Variants in DCLK1 observed in about 807,000 individuals in gnomAD.
The protein encoded by DCLK1 is serine/threonine-protein kinase DCLK1.
Under a neutral mutation model 86.2 loss-of-function variants are expected in DCLK1, and 16 were observed. That is an observed-to-expected ratio of 0.19 (90% CI 0.13 to 0.28). DCLK1 has a LOEUF of 0.28. Ranked by LOEUF, DCLK1 falls within the 10% of genes least tolerant of loss-of-function variation. The pLI is 1.00. For synonymous variants in DCLK1, 369 were observed against 370.5 expected, an observed-to-expected ratio of 1.00 and a Z score of 0.05; for missense variants, 590 against 940.2, an observed-to-expected ratio of 0.63 and a Z score of 4.87.
chr13:35,814,744 A>G (rs1182898285), intron 11 of DCLK1, among the ~76,000 whole-genome samples: 1 of 152,252 alleles, frequency 6.6e-6, no homozygotes, highest in African/African-American at 2.4e-5. Context: ...GACAGGGATT[A>G]GTGCAAATTA....
chr13:36,007,865 G>A (rs942967547), intron 3 of DCLK1, among the ~76,000 whole-genome samples: 2 of 152,060 alleles, frequency 1.3e-5, no homozygotes, highest in African/African-American at 2.4e-5. Flanking sequence ...ATTTAATTAT[G>A]TTATATTTAG....
At chr13:35,847,452 C>G (rs1251426415) in intron 6 of DCLK1, 4 of 984,834 alleles carry the variant, frequency 4.1e-6, no homozygotes, top group Non-Finnish European at 4.8e-6. Context: ...ACACACCAAG[C>G]CTGGCAAATT....
chr13:36,022,835 T>C (rs1350567852), intron 3 of DCLK1, among the ~76,000 whole-genome samples: 4 of 152,058 alleles, frequency 2.6e-5, no homozygotes, highest in Non-Finnish European at 5.9e-5. Flanking sequence ...GTAAAGAAAA[T>C]GAACAACAAT....
chr13:35,988,497 G>T (rs981768477), intron 3 of DCLK1, among the ~76,000 whole-genome samples: 17 of 152,190 alleles, frequency 1.1e-4, no homozygotes, highest in African/African-American at 4.1e-4. Context: ...GAGGGAAAAA[G>T]TGTTAACTCA....
intron 1 of DCLK1, among the ~76,000 whole-genome samples, chr13:36,130,114 G>C (rs1376659970): frequency 6.6e-6 from 1 of 152,090 alleles, no homozygotes; most frequent in Non-Finnish European, 1.5e-5. Flanking sequence ...CACGGACGTA[G>C]ACATCACAGG....
chr13:36,071,089 AC>A (rs1883958525), intron 3 of DCLK1, among the ~76,000 whole-genome samples: 1 of 152,136 alleles, frequency 6.6e-6, no homozygotes, highest in Non-Finnish European at 1.5e-5. Context: ...AATAGAATGC[AC>A]ATTTCTATTC....
intron 3 of DCLK1, among the ~76,000 whole-genome samples, chr13:36,017,609 T>C (rs779842162): frequency 5.3e-5 from 8 of 152,184 alleles, no homozygotes; most frequent in Non-Finnish European, 7.4e-5. Context: ...ACAGCAGATA[T>C]TTAATTGCAT....
chr13:35,958,167 ACC>A (rs1878192283), intron 3 of DCLK1, among the ~76,000 whole-genome samples: 1 of 141,132 alleles, frequency 7.1e-6, no homozygotes, highest in African/African-American at 2.8e-5. Flanking sequence ...AACCATCACC[ACC>A]ATCACCACTA....
chr13:36,120,052 G>A (rs1027871963), intron 2 of DCLK1, among the ~76,000 whole-genome samples: 4 of 152,082 alleles, frequency 2.6e-5, no homozygotes, highest in Admixed American at 1.3e-4. Flanking sequence ...GGAAGAAAAG[G>A]TTAAACTGAA....
At chr13:36,066,013 T>G (rs1451778633) in intron 3 of DCLK1, among the ~76,000 whole-genome samples, 2 of 152,282 alleles carry the variant, frequency 1.3e-5, no homozygotes, top group East Asian at 1.9e-4. Context: ...ATTTTCCACC[T>G]TCTAAAAACA....
intron 4 of DCLK1, among the ~76,000 whole-genome samples, chr13:35,919,150 C>A (rs886948576): frequency 4.6e-5 from 7 of 152,042 alleles, no homozygotes; most frequent in African/African-American, 1.4e-4. Context: ...CCTCAGCCTC[C>A]CAAAGTGCTG....
At chr13:36,003,293 A>G (rs1286765405) in intron 3 of DCLK1, among the ~76,000 whole-genome samples, 6 of 141,932 alleles carry the variant, frequency 4.2e-5, no homozygotes, top group Non-Finnish European at 7.9e-5. Flanking sequence ...GAATCACAGA[A>G]CTAGTGCATG....
intron 3 of DCLK1, among the ~76,000 whole-genome samples, chr13:36,077,223 T>C (rs1413426961): frequency 1.3e-4 from 20 of 152,172 alleles, no homozygotes. Context: ...CACTATTTTA[T>C]CTCCTTTCTG....
At chr13:36,044,347 T>A (rs1431143782) in intron 3 of DCLK1, among the ~76,000 whole-genome samples, 1 of 152,144 alleles carries the variant, frequency 6.6e-6, no homozygotes, top group Non-Finnish European at 1.5e-5. Flanking sequence ...AACACACTCA[T>A]GAAAATGGTA....
At chr13:36,037,735 C>T (rs1593837830) in intron 3 of DCLK1, among the ~76,000 whole-genome samples, 1 of 152,136 alleles carries the variant, frequency 6.6e-6, no homozygotes, top group African/African-American at 2.4e-5. Flanking sequence ...CTGCCTGTCT[C>T]AACCTCCCAA....
intron 15 of DCLK1, 132 bp downstream of exon 15, chr13:35,805,567 G>C: frequency 1.2e-6 from 1 of 853,956 alleles, no homozygotes; most frequent in Non-Finnish European, 1.8e-6. Context: ...CCAAAGGGCT[G>C]AGATTACAGG....
chr13:35,822,021 A>C (rs993073519), intron 11 of DCLK1, among the ~76,000 whole-genome samples: 2 of 151,536 alleles, frequency 1.3e-5, no homozygotes, highest in Non-Finnish European at 2.9e-5. Context: ...ACCAATTATA[A>C]TTTTTTTTTC....
chr13:35,834,188 C>CA (rs999287879), intron 8 of DCLK1, among the ~76,000 whole-genome samples: 2 of 151,710 alleles, frequency 1.3e-5, no homozygotes, highest in Non-Finnish European at 1.5e-5. Flanking sequence ...GAAATAAAGC[C>CA]AAAAAAAGCC....
At position 35,859,087 on chromosome 13, in the gene DCLK1, C is replaced by T. The variant is rs960599681; in HGVS notation, c.941-4494G>A. Among the ~76,000 whole-genome samples, 5 of 152,194 alleles carry T rather than the reference C, an allele frequency of 3.3e-5. No individual in the cohort carries two copies. In the South Asian group the frequency reaches 1.0e-3, roughly 32 times the overall value. On this transcript the variant is annotated intron_variant, in intron 5 of 16. Coordinates refer to ENST00000360631, the MANE Select transcript of DCLK1 (RefSeq NM_001330071.2). ...TAAGTGCCATAACAAGGCTTTGTGA[C>T]TTATTTAATAGAACTTATTAAAATT...
Sources: allele counts gnomAD v4.1 joint callset (sites outside exome capture counted in the v4.1 genomes callset), GRCh38; gene constraint gnomAD v4.1.1; transcripts MANE v1.5; gene names NCBI Gene and HGNC (gene_info 2026-07-23, HGNC 2026-07-21).